FGF14: variants seen among roughly 807,000 people sequenced by gnomAD.
FGF14 encodes the protein fibroblast growth factor 14.
Under a neutral mutation model 25.5 loss-of-function variants are expected in FGF14, and 5 were observed. The ratio of observed to expected loss-of-function variants is 0.20; its 90% CI spans 0.10 to 0.41. The LOEUF (loss-of-function observed/expected upper bound fraction) is 0.41, where lower values mean the gene tolerates loss of function less well. Ranked by LOEUF, FGF14 falls within the 10% of genes least tolerant of loss-of-function variation. FGF14 has a pLI of 1.00. For synonymous variants in FGF14, 138 were observed against 118.3 expected (o/e 1.17, Z -1.08); for missense variants, 222 against 320.1 (o/e 0.69, Z 2.34).
At chr13:101,869,420 A>G (rs1010222415) in intron 2 of FGF14, among the ~76,000 whole-genome samples, 1 of 152,190 alleles carries the variant, frequency 6.6e-6, no homozygotes, top group Non-Finnish European at 1.5e-5. Context: ...TTATGTTTCC[A>G]TGTTTTGTTT....
At chr13:101,789,725 A>G (rs1340710567) in intron 3 of FGF14, among the ~76,000 whole-genome samples, 1 of 152,086 alleles carries the variant, frequency 6.6e-6, no homozygotes, top group African/African-American at 2.4e-5. Context: ...TAAAACAAAT[A>G]TATGAAACTT....
chr13:102,141,131 C>A (rs1052924600), intron 1 of FGF14, among the ~76,000 whole-genome samples: 5 of 152,188 alleles, frequency 3.3e-5, no homozygotes, highest in Non-Finnish European at 5.9e-5. Context: ...TCTTTATCAG[C>A]ACTAGTTTCA....
chr13:102,164,979 G>A (rs2047935238), intron 1 of FGF14, among the ~76,000 whole-genome samples: 1 of 152,162 alleles, frequency 6.6e-6, no homozygotes, highest in Non-Finnish European at 1.5e-5. Context: ...AGACATGGCT[G>A]GAGAGGAGAA....
intron 1 of FGF14, among the ~76,000 whole-genome samples, chr13:102,175,345 G>C (rs2048403369): frequency 6.6e-6 from 1 of 152,032 alleles, no homozygotes; most frequent in African/African-American, 2.4e-5. Flanking sequence ...AACGGAGAAA[G>C]ACACCCTATT....
rs1162529567 is a variant in FGF14 at position 101,719,537 on chromosome 13, T to TAA, written c.*3292_*3293dup. The TAA allele has an allele frequency of 6.6e-6, 1 of 152,062 alleles. No homozygotes were observed. Among genetic ancestry groups the TAA allele is most frequent in the African/African-American group, 2.4e-5 (1 of 41,420 alleles). 9.4% of individuals were successfully genotyped at this position (152,062 alleles called of 1,614,324 possible). On this transcript the variant is annotated 3_prime_UTR_variant, in exon 5 of 5. Coordinates refer to ENST00000376143, the MANE Select transcript of FGF14 (RefSeq NM_004115.4). ...TCATGTCTTCTCTAATTTTTCCAAG[T>TAA]AAAGTGGTAGCAAAATGTTTTAAAA...
intron 1 of FGF14, among the ~76,000 whole-genome samples, chr13:101,943,822 A>AT (rs1266549387): frequency 0.033 from 4,072 of 122,302 alleles, 177 homozygotes; most frequent in African/African-American, 0.16. Context: ...TAAAAAAAAA[A>AT]AAAAATATAT....
rs796686998 is a variant in FGF14 at position 102,371,029 on chromosome 13, A to G, written c.208+30442T>C. ...TTCAAGATCTCTCCACTTCTAGTGC[A>G]ACTACACTATTCCTATTGTCCTCAT... On this transcript the variant is annotated intron_variant, in intron 1 of 4. Transcript: ENST00000376131. Among the ~76,000 whole-genome samples, 89 of 152,110 alleles carry G rather than the reference A, an allele frequency of 5.9e-4. 1 individual carries two copies. The highest frequency in any genetic ancestry group is 2.1e-3 in the African/African-American group (87 of 41,500).
intron 1 of FGF14, among the ~76,000 whole-genome samples, chr13:102,218,032 G>A (rs1044776079): frequency 1.3e-5 from 2 of 152,040 alleles, no homozygotes; most frequent in Admixed American, 6.6e-5. Context: ...AATTCTGCCC[G>A]TTTCAAGAGA....
At chr13:102,135,147 A>G (rs1007571254) in intron 1 of FGF14, among the ~76,000 whole-genome samples, 7 of 152,170 alleles carry the variant, frequency 4.6e-5, no homozygotes, top group African/African-American at 1.7e-4. Context: ...CTTCAAGGCT[A>G]TAGTAAGCTA....
At chr13:102,071,045 T>C (rs546240326) in intron 1 of FGF14, among the ~76,000 whole-genome samples, 1 of 152,290 alleles carries the variant, frequency 6.6e-6, no homozygotes, top group Admixed American at 6.5e-5. Flanking sequence ...CCTATAACTT[T>C]AGCAGTGAAA....
intron 1 of FGF14, among the ~76,000 whole-genome samples, chr13:101,900,235 C>T (rs1416560369): frequency 2.0e-5 from 3 of 152,036 alleles, no homozygotes; most frequent in Non-Finnish European, 4.4e-5. Flanking sequence ...TTAAATTCTT[C>T]AATGGCTTAA....
At chr13:101,926,572 C>G (rs756182464) in intron 1 of FGF14, among the ~76,000 whole-genome samples, 1 of 152,182 alleles carries the variant, frequency 6.6e-6, no homozygotes, top group South Asian at 2.1e-4. Flanking sequence ...TGTGAGAATG[C>G]ATTTTTCTAA....
rs183674427 is a variant in FGF14, at chr13:102,113,975, A to G, written c.209-238679T>C. Among the ~76,000 whole-genome samples, 223 of 152,352 alleles carry G rather than the reference A, an allele frequency of 1.5e-3. 1 individual carries two copies. The highest frequency in any genetic ancestry group is 5.1e-3 in the African/African-American group (214 of 41,584). On this transcript the variant is annotated intron_variant, in intron 1 of 4. Coordinates refer to the FGF14 transcript ENST00000376131. ...TGTGGAGACGGCTGATTTTACCTCAAGGTGAGACAGGAACCTAGTCCAGTC... is the reference window on the plus strand; with the variant it reads ...TGTGGAGACGGCTGATTTTACCTCAGGGTGAGACAGGAACCTAGTCCAGTC...
intron 3 of FGF14, among the ~76,000 whole-genome samples, chr13:101,843,176 A>G (rs1025587783): frequency 2.6e-5 from 4 of 152,024 alleles, no homozygotes; most frequent in African/African-American, 9.7e-5. Context: ...TAAACCTATG[A>G]ATTTTTTGAA....
intron 1 of FGF14, among the ~76,000 whole-genome samples, chr13:101,910,314 C>T (rs1298454171): frequency 6.6e-6 from 1 of 152,072 alleles, no homozygotes; most frequent in Non-Finnish European, 1.5e-5. Context: ...ATAGCCATTG[C>T]TATGCGTTCA....
intron 3 of FGF14, among the ~76,000 whole-genome samples, chr13:101,834,526 A>T (rs1230882648): frequency 1.3e-5 from 2 of 152,090 alleles, no homozygotes; most frequent in African/African-American, 4.8e-5. Context: ...AGTGGCAGGT[A>T]GTATGTGTTA....
intron 1 of FGF14, among the ~76,000 whole-genome samples, chr13:101,986,628 A>G (rs1454143535): frequency 2.0e-5 from 3 of 152,146 alleles, no homozygotes; most frequent in African/African-American, 7.2e-5. Flanking sequence ...TGAGGCTTAG[A>G]AAATATTTTT....
chr13:101,879,288 C>T (rs920253110), intron 1 of FGF14, among the ~76,000 whole-genome samples: 4 of 152,128 alleles, frequency 2.6e-5, no homozygotes, highest in Non-Finnish European at 5.9e-5. Flanking sequence ...TTGCACAAAA[C>T]TCTGTGCTAA....
intron 1 of FGF14, among the ~76,000 whole-genome samples, chr13:102,246,174 G>A (rs2051857435): frequency 6.6e-6 from 1 of 152,014 alleles, no homozygotes; most frequent in Admixed American, 6.6e-5. Context: ...CTCCTTTACA[G>A]CTAGACTACT....
Sources: gnomAD v4.1 joint callset for allele counts (sites outside exome capture counted in the v4.1 genomes callset) on GRCh38, gnomAD v4.1.1 for gene constraint, MANE v1.5 for transcripts, NCBI Gene and HGNC (gene_info 2026-07-23, HGNC 2026-07-21) for gene names.